Variants in SND1 observed in about 807,000 individuals in gnomAD.
The protein encoded by SND1 is staphylococcal nuclease and tudor domain containing 1, also known as staphylococcal nuclease domain-containing protein 1.
In SND1, 38 loss-of-function variants were observed where a neutral mutation model predicts 121.7. That is an observed-to-expected ratio of 0.31 (90% CI 0.24 to 0.41). The LOEUF (loss-of-function observed/expected upper bound fraction) is 0.41, where lower values mean the gene tolerates loss of function less well. SND1 is among the 10% of genes least tolerant of loss of function. The pLI is 1.00. For synonymous variants in SND1, 401 were observed against 447.4 expected (o/e 0.90, Z 1.31); for missense variants, 868 against 1,184.6 (o/e 0.73, Z 3.92).
At chr7:127,849,291 G>T (rs1292171191) in intron 12 of SND1, among the ~76,000 whole-genome samples, 1 of 152,188 alleles carries the variant, frequency 6.6e-6, no homozygotes, top group African/African-American at 2.4e-5. Flanking sequence ...GAGCCTTCTT[G>T]AAGAGTGAGA....
intron 14 of SND1, among the ~76,000 whole-genome samples, chr7:127,927,562 A>G (rs552388618): frequency 1.6e-4 from 25 of 152,306 alleles, no homozygotes; most frequent in Middle Eastern, 3.4e-3. Context: ...TAAGTGTTCA[A>G]TGGGGAAGTT....
intron 11 of SND1, among the ~76,000 whole-genome samples, chr7:127,837,543 A>C (rs1450931550): frequency 6.6e-6 from 1 of 152,230 alleles, no homozygotes; most frequent in Admixed American, 6.5e-5. Flanking sequence ...TAAGTTTAAC[A>C]TCCTCTCTTG....
chr7:127,797,507 C>T (rs1798049350), intron 10 of SND1, among the ~76,000 whole-genome samples: 1 of 152,232 alleles, frequency 6.6e-6, no homozygotes, highest in South Asian at 2.1e-4. Flanking sequence ...GTAGCATAGA[C>T]TTCATTCCCT....
chr7:127,747,829 C>G (rs1239678834), intron 10 of SND1, among the ~76,000 whole-genome samples: 1 of 152,202 alleles, frequency 6.6e-6, no homozygotes, highest in East Asian at 1.9e-4. Context: ...TGGGTTTTCT[C>G]TCCCTCCTTT....
intron 12 of SND1, among the ~76,000 whole-genome samples, chr7:127,878,614 A>G (rs1022989282): frequency 1.3e-5 from 2 of 151,826 alleles, no homozygotes; most frequent in East Asian, 1.9e-4. Flanking sequence ...TCCGTTTTCA[A>G]TCTGTATTAT....
At chr7:127,836,268 G>C (rs373917742) in intron 11 of SND1, among the ~76,000 whole-genome samples, 10 of 152,220 alleles carry the variant, frequency 6.6e-5, no homozygotes, top group African/African-American at 2.4e-4. Flanking sequence ...GTTTATAAAG[G>C]TTTATAGGCA....
At chr7:127,986,549 A>G (rs1179154036) in intron 15 of SND1, among the ~76,000 whole-genome samples, 1 of 152,244 alleles carries the variant, frequency 6.6e-6, no homozygotes, top group African/African-American at 2.4e-5. Flanking sequence ...TTCCTAAACT[A>G]TACAGAGTCA....
intron 1 of SND1, among the ~76,000 whole-genome samples, chr7:127,667,916 A>C (rs1795448122): frequency 6.6e-6 from 1 of 152,224 alleles, no homozygotes; most frequent in Non-Finnish European, 1.5e-5. Context: ...TCCATTATGT[A>C]AAATGCTGTT....
At chr7:127,888,065 T>C (rs1401963992) in intron 13 of SND1, 53 bp downstream of exon 13, 1 of 1,288,646 alleles carries the variant, frequency 7.8e-7, no homozygotes, top group East Asian at 2.4e-5. Flanking sequence ...CACTTTTTTC[T>C]TTCCCAGTTT....
intron 16 of SND1, among the ~76,000 whole-genome samples, chr7:128,047,265 G>A (rs894430741): frequency 2.0e-5 from 3 of 152,194 alleles, no homozygotes; most frequent in Admixed American, 1.3e-4. Context: ...CAGGCAACCC[G>A]TGGACCTTTC....
chr7:127,819,855 G>T (rs1426696479), intron 11 of SND1, among the ~76,000 whole-genome samples: 1 of 152,178 alleles, frequency 6.6e-6, no homozygotes, highest in Non-Finnish European at 1.5e-5. Context: ...CTGATGTGAT[G>T]GCTATGTGTC....
intron 10 of SND1, among the ~76,000 whole-genome samples, chr7:127,793,169 T>C (rs944303620): frequency 6.6e-6 from 1 of 152,106 alleles, no homozygotes; most frequent in African/African-American, 2.4e-5. Context: ...TAGGGGACAT[T>C]GTGTGTGGTG....
intron 12 of SND1, among the ~76,000 whole-genome samples, chr7:127,872,624 A>G (rs1372998447): frequency 9.9e-6 from 1 of 100,778 alleles, no homozygotes; most frequent in Non-Finnish European, 1.9e-5. Context: ...TTTTTAACAC[A>G]CACGCACACA....
intron 16 of SND1, chr7:128,031,043 CAGAGG>C (rs1261801925): frequency 4.8e-5 from 3 of 62,234 alleles, no homozygotes; most frequent in Admixed American, 1.8e-4. Flanking sequence ...GCGGGGAGGG[CAGAGG>C]GGAGGGGAGG....
At chr7:127,921,507 G>A (rs907151757) in intron 14 of SND1, among the ~76,000 whole-genome samples, 1 of 152,092 alleles carries the variant, frequency 6.6e-6, no homozygotes, top group African/African-American at 2.4e-5. Context: ...AAGTTTTCTT[G>A]AGTTAAAAAT....
intron 16 of SND1, among the ~76,000 whole-genome samples, chr7:128,011,314 C>T (rs1803113004): frequency 6.6e-6 from 1 of 152,164 alleles, no homozygotes; most frequent in Non-Finnish European, 1.5e-5. Context: ...CTGGTAACTA[C>T]CCTGGTTCCT....
At chr7:128,028,867 C>G (rs368455774) in intron 16 of SND1, 9 of 1,614,080 alleles carry the variant, frequency 5.6e-6, no homozygotes, top group Admixed American at 3.3e-5. Flanking sequence ...GCCCCCTCAC[C>G]TGATACACCG....
At chr7:127,932,635 A>G (rs1236681881) in intron 15 of SND1, among the ~76,000 whole-genome samples, 1 of 152,216 alleles carries the variant, frequency 6.6e-6, no homozygotes, top group Non-Finnish European at 1.5e-5. Flanking sequence ...ATACTTTGTG[A>G]AAGGAAGAGC....
chr7:127,879,945 T>C (rs1433608935), intron 12 of SND1, among the ~76,000 whole-genome samples: 1 of 152,220 alleles, frequency 6.6e-6, no homozygotes, highest in Non-Finnish European at 1.5e-5. Flanking sequence ...CTGCATGAGA[T>C]ATATGCCTCT....
Sources: gnomAD v4.1 joint callset for allele counts (sites outside exome capture counted in the v4.1 genomes callset) on GRCh38, gnomAD v4.1.1 for gene constraint, MANE v1.5 for transcripts, NCBI Gene and HGNC (gene_info 2026-07-23, HGNC 2026-07-21) for gene names.